Variants in CFAP58 observed in about 807,000 individuals in gnomAD.
The protein encoded by CFAP58 is cilia and flagella associated protein 58, also known as cilia- and flagella-associated protein 58.
A neutral mutation model predicts 119.5 loss-of-function variants in CFAP58; 88 were observed. The observed-to-expected ratio is 0.74, with a 90% CI of 0.62 to 0.88. The LOEUF (loss-of-function observed/expected upper bound fraction) is 0.88, where lower values mean the gene tolerates loss of function less well. Ranked by LOEUF, CFAP58 falls within the 40% of genes least tolerant of loss-of-function variation. The probability of loss-of-function intolerance (pLI) is 0.00; values close to 1 mark genes in which losing one functional copy is unlikely to be tolerated. For synonymous variants in CFAP58, 365 were observed against 366.3 expected (o/e 1.00, Z 0.04); for missense variants, 990 against 1,021.2 (o/e 0.97, Z 0.42).
intron 15 of CFAP58, among the ~76,000 whole-genome samples, chr10:104,416,866 A>G (rs553344019): frequency 1.3e-5 from 2 of 152,294 alleles, no homozygotes; most frequent in South Asian, 4.2e-4. Context: ...AGGCTCTTCC[A>G]CAGCATGTGG....
intron 11 of CFAP58, among the ~76,000 whole-genome samples, chr10:104,398,728 A>G (rs1185438391): frequency 1.3e-5 from 2 of 152,126 alleles, no homozygotes; most frequent in Non-Finnish European, 2.9e-5. Context: ...CTGAAAAATT[A>G]TTGCCTGGAC....
intron 15 of CFAP58, among the ~76,000 whole-genome samples, chr10:104,428,804 G>C (rs1419988891): frequency 1.3e-5 from 2 of 152,196 alleles, no homozygotes; most frequent in African/African-American, 4.8e-5. Flanking sequence ...GGCGGAGAGA[G>C]TTTAGGTAGC....
intron 15 of CFAP58, among the ~76,000 whole-genome samples, chr10:104,412,771 G>T (rs1313589493): frequency 6.6e-6 from 1 of 152,078 alleles, no homozygotes; most frequent in Non-Finnish European, 1.5e-5. Context: ...TTTGAGGAGG[G>T]GCGCTTCCCA....
chr10:104,407,249 G>C (rs139391037), intron 15 of CFAP58, among the ~76,000 whole-genome samples: 64 of 152,324 alleles, frequency 4.2e-4, no homozygotes, highest in Middle Eastern at 3.4e-3. Flanking sequence ...AAATTGTTCT[G>C]TAGCAATTAG....
chr10:104,403,917 A>G (rs1006717233), intron 14 of CFAP58, 77 bp downstream of exon 14: 1 of 828,894 alleles, frequency 1.2e-6, no homozygotes, highest in Admixed American at 2.6e-5. Flanking sequence ...CCTAAAGCAC[A>G]ATGAGAAGCG....
chr10:104,339,108 A>G, the CFAP58 span, among the ~76,000 whole-genome samples: 5 of 152,076 alleles, frequency 3.3e-5, no homozygotes. Context: ...GTGTTTCTCC[A>G]TGTTGGTCAG....
At chr10:104,421,666 AC>A (rs576394426) in intron 15 of CFAP58, among the ~76,000 whole-genome samples, 1 of 152,352 alleles carries the variant, frequency 6.6e-6, no homozygotes, top group African/African-American at 2.4e-5. Context: ...CGACTCTTGA[AC>A]AAATCAGGTT....
chr10:104,437,373 G>A (rs1259749288), intron 15 of CFAP58, among the ~76,000 whole-genome samples: 2 of 152,126 alleles, frequency 1.3e-5, no homozygotes, highest in Non-Finnish European at 2.9e-5. Flanking sequence ...ATTAACAAAC[G>A]AGCTTGCCAT....
In CFAP58 at chr10:104,358,076, CATAT is replaced by C. The variant is rs757296676; in HGVS notation, c.10-259_10-256del. Among the ~76,000 whole-genome samples the C allele has an allele frequency of 6.2e-5, 9 of 144,240 alleles. No homozygotes were observed. In the South Asian group the frequency reaches 6.4e-4, roughly 10 times the overall value. The allele number at this position is 144,240 out of a possible 152,430, so 94.6% of individuals were successfully genotyped here. A position where few individuals can be genotyped will look rare whatever the true frequency, so the allele number is the denominator to read the frequency against. The stretch of plus-strand genomic sequence containing the variant: ...ATATGTACATATATACACATATGTA[CATAT>C]ATATACACACATATATATGTACATA... On this transcript the variant is annotated intron_variant, in intron 1 of 17. Transcript: ENST00000369704.
chr10:104,419,560 T>C (rs2012619734), intron 15 of CFAP58, among the ~76,000 whole-genome samples: 1 of 151,558 alleles, frequency 6.6e-6, no homozygotes, highest in African/African-American at 2.4e-5. Context: ...TTTATCTGTG[T>C]CCTTTTTTTT....
chr10:104,445,305 A>C (rs2013096318), intron 15 of CFAP58, among the ~76,000 whole-genome samples: 1 of 148,742 alleles, frequency 6.7e-6, no homozygotes, highest in Non-Finnish European at 1.5e-5. Context: ...CCTGCGTGAC[A>C]GAGTGAGACC....
chr10:104,382,463 G>T, intron 9 of CFAP58: 1 of 426,148 alleles, frequency 2.3e-6, no homozygotes, highest in South Asian at 3.5e-5. Context: ...TTCCAGTGTG[G>T]TTTTATTATT....
chr10:104,347,618 A>G, the CFAP58 span, among the ~76,000 whole-genome samples: 1 of 152,118 alleles, frequency 6.6e-6, no homozygotes, highest in East Asian at 1.9e-4. Context: ...TTCCATAGAC[A>G]CTAAATCCAG....
chr10:104,438,267 T>C (rs2012966535), intron 15 of CFAP58, among the ~76,000 whole-genome samples: 2 of 152,072 alleles, frequency 1.3e-5, no homozygotes, highest in South Asian at 4.1e-4. Flanking sequence ...GTCCTTTGCT[T>C]AGGAATGCCT....
At chr10:104,350,908 C>A (rs1334528175), upstream of CFAP58, among the ~76,000 whole-genome samples, 2 of 152,158 alleles carry the variant, frequency 1.3e-5, no homozygotes, top group African/African-American at 2.4e-5. Flanking sequence ...TATGAAAGCT[C>A]TTTTAGGAGA....
the CFAP58 span, among the ~76,000 whole-genome samples, chr10:104,341,387 T>G: frequency 1.3e-5 from 2 of 151,816 alleles, no homozygotes; most frequent in African/African-American, 2.4e-5. Flanking sequence ...CTTAAGTATC[T>G]GAGACAATAG....
intron 9 of CFAP58, 77 bp from the exon 10 acceptor site, chr10:104,392,156 A>T: frequency 1.5e-6 from 2 of 1,336,816 alleles, no homozygotes; most frequent in Non-Finnish European, 2.1e-6. Context: ...ACCCTTAGAT[A>T]AAAAACTCCA....
chr10:104,376,413 G>A (rs905537497), intron 7 of CFAP58, among the ~76,000 whole-genome samples: 3 of 145,384 alleles, frequency 2.1e-5, no homozygotes, highest in Non-Finnish European at 3.0e-5. Flanking sequence ...GTTGAGGCAG[G>A]AAAATCCCTT....
At chr10:104,353,801 A>G, upstream of CFAP58, 2 of 1,466,732 alleles carry the variant, frequency 1.4e-6, no homozygotes, top group Non-Finnish European at 1.9e-6. Flanking sequence ...CGGGCGATAG[A>G]GACAGCGCGT....
Sources: allele counts gnomAD v4.1 joint callset (sites outside exome capture counted in the v4.1 genomes callset), GRCh38; gene constraint gnomAD v4.1.1; transcripts MANE v1.5; gene names NCBI Gene and HGNC (gene_info 2026-07-23, HGNC 2026-07-21).